Variants in UNC45B observed in about 807,000 individuals in gnomAD.
UNC45B encodes the protein unc-45 myosin chaperone B, also known as protein unc-45 homolog B.
UNC45B carries 78 observed loss-of-function variants against 98.7 expected under a neutral mutation model. The observed-to-expected ratio is 0.79, with a 90% CI of 0.66 to 0.95. The LOEUF (loss-of-function observed/expected upper bound fraction) is 0.95, where lower values mean the gene tolerates loss of function less well. Among genes scored for constraint, UNC45B ranks in the 40% least tolerant of loss-of-function variants. The pLI, the probability that UNC45B is intolerant of heterozygous loss-of-function variation, is 0.00. For synonymous variants in UNC45B, 462 were observed against 480.4 expected (o/e 0.96, Z 0.50); for missense variants, 1,225 against 1,184.9 (o/e 1.03, Z -0.50).
In UNC45B at chr17:35,180,611, G is replaced by A. The variant is rs774212002; in HGVS notation, c.2308G>A (p.Glu770Lys). 2 of 1,614,084 alleles carry A rather than the reference G, an allele frequency of 1.2e-6. No individual in the cohort carries two copies. The highest frequency in any genetic ancestry group is 1.7e-6 in the Non-Finnish European group (2 of 1,179,988). Residue 770 changes from glutamate (E) to lysine (K), a missense_variant, in exon 18 of 20, where the codon GAG becomes AAG. By Grantham distance (56) the Glu-to-Lys change is moderately conservative (BLOSUM62 1). Coordinates refer to ENST00000394570, the MANE Select transcript of UNC45B (RefSeq NM_001267052.2). ...ALPDIENYMF[E>K]NHDQLRQAAT... Reference sequence around the variant, plus strand: ...GCCAGACATCGAGAACTACATGTTTGAGAATCATGATCAGCTGCGGCAGGC... The same window carrying A: ...GCCAGACATCGAGAACTACATGTTTAAGAATCATGATCAGCTGCGGCAGGC...
chr17:35,175,409 T>A (rs2092225708), intron 14 of UNC45B, among the ~76,000 whole-genome samples: 1 of 152,014 alleles, frequency 6.6e-6, no homozygotes, highest in Non-Finnish European at 1.5e-5. Context: ...CCAGCCAGAC[T>A]GGAGGGGAGG....
Position 35,170,259 on chromosome 17 carries a change from G to C in UNC45B, c.1689+4G>C, listed in dbSNP as rs752735144. On this transcript the variant is annotated splice_donor_region_variant and intron_variant, in intron 12 of 19. Coordinates refer to ENST00000394570, the MANE Select transcript of UNC45B (RefSeq NM_001267052.2). ...GGCCATGTTTGAGCTGGCCAAGGCAGGTGTCGGGGAGTCTGGCCCGACCAC... is the reference window on the plus strand; with the variant it reads ...GGCCATGTTTGAGCTGGCCAAGGCACGTGTCGGGGAGTCTGGCCCGACCAC... The C allele has an allele frequency of 6.2e-7, 1 of 1,601,610 alleles. No homozygotes were observed. The highest frequency in any genetic ancestry group is 1.1e-5 in the South Asian group (1 of 90,210).
intron 13 of UNC45B, among the ~76,000 whole-genome samples, chr17:35,173,444 A>C (rs931056003): frequency 6.6e-6 from 1 of 151,892 alleles, no homozygotes; most frequent in African/African-American, 2.4e-5. Flanking sequence ...AAAATCTTAT[A>C]GTTCTGGAGG....
intron 13 of UNC45B, among the ~76,000 whole-genome samples, chr17:35,173,006 C>T (rs746180873): frequency 4.6e-5 from 7 of 152,218 alleles, no homozygotes; most frequent in South Asian, 2.1e-4. Flanking sequence ...GACAGCAAGG[C>T]GTGCTGTATA....
Position 35,168,132 on chromosome 17 carries a change from G to T in UNC45B, c.1223G>T (p.Gly408Val), listed in dbSNP as rs1421659329. Residue 408 changes from glycine (G) to valine (V), a missense_variant, in exon 10 of 20, where the codon GGC becomes GTC. Physicochemically the swap from Gly to Val is moderately radical, Grantham distance 109 (BLOSUM62 -3). Transcript: ENST00000394570. ...AIQTVSGILQ[G>V]PFDLGNQLLG... ...CAGACAGTGTCAGGGATCCTGCAGG[G>T]CCCCTTTGACCTGGGCAACCAGCTG... 15 of 1,594,702 alleles carry T rather than the reference G, an allele frequency of 9.4e-6. No individual in the cohort carries two copies. The highest frequency in any genetic ancestry group is 2.3e-5 in the East Asian group (1 of 43,128).
At chr17:35,155,197 T>A in intron 6 of UNC45B, 99 bp from the exon 7 acceptor site, 2 of 1,437,300 alleles carry the variant, frequency 1.4e-6, no homozygotes, top group Admixed American at 4.2e-5. Context: ...CTCTACTGCA[T>A]GGGATAGGGT....
chr17:35,186,241 T>C (rs2092302514), intron 19 of UNC45B, 58 bp from the exon 20 acceptor site: 1 of 1,589,862 alleles, frequency 6.3e-7, no homozygotes, highest in Non-Finnish European at 8.6e-7. Flanking sequence ...TTCCAACACA[T>C]GAACTCTGGG....
intron 13 of UNC45B, among the ~76,000 whole-genome samples, chr17:35,172,874 T>TTTATTTCA (rs1427741121): frequency 6.6e-6 from 1 of 152,204 alleles, no homozygotes; most frequent in Non-Finnish European, 1.5e-5. Context: ...TTATCCGTCT[T>TTTATTTCA]TTATTTCATT....
chr17:35,152,759 G>T lies in UNC45B; in HGVS notation c.382-134G>T, dbSNP rs549776753. 3 of 745,032 alleles carry T rather than the reference G, an allele frequency of 4.0e-6. No individual in the cohort carries two copies. The Admixed American group carries it at 5.4e-5, about 13-fold the overall frequency. The allele number at this position is 745,032 out of a possible 1,614,324, so 46.2% of individuals were successfully genotyped here. On this transcript the variant is annotated intron_variant, in intron 4 of 19. Transcript: ENST00000394570. ...CGTACTTATCCAGTAAATGTTTGTC[G>T]AATGAATACATGAATGAACGTATGT... is the stretch of plus-strand genomic sequence containing the variant.
rs767039868 is a variant in UNC45B, at chr17:35,180,542, C to T, written c.2256-17C>T. ...AGAAGACTCAAGGGTCTTTCTTCCT[C>T]CACCCTCCTACCCTAGGCAGAAGAT... On this transcript the variant is annotated splice_polypyrimidine_tract_variant and intron_variant, in intron 17 of 19. Coordinates refer to ENST00000394570, the MANE Select transcript of UNC45B (RefSeq NM_001267052.2). 1.9e-5 allele frequency: 31 copies of T among 1,605,280 alleles called. 2 individuals carry two copies. In the South Asian group the frequency reaches 3.3e-4, roughly 17 times the overall value.
chr17:35,177,824 CCTTTTCTTTT>C (rs886653781), intron 17 of UNC45B, among the ~76,000 whole-genome samples: 1 of 150,696 alleles, frequency 6.6e-6, no homozygotes, highest in African/African-American at 2.4e-5. Flanking sequence ...TTTTTTCTTT[CCTTTTCTTTT>C]CTTTTGTCTT....
At chr17:35,156,326 C>G (rs1212882825) in intron 7 of UNC45B, among the ~76,000 whole-genome samples, 2 of 152,170 alleles carry the variant, frequency 1.3e-5, no homozygotes, top group Non-Finnish European at 2.9e-5. Context: ...GAACTGAACA[C>G]TTAAAAATGG....
chr17:35,175,081 A>AAG (rs1188866238), intron 14 of UNC45B, among the ~76,000 whole-genome samples: 4 of 98,122 alleles, frequency 4.1e-5, no homozygotes, highest in Non-Finnish European at 6.4e-5. Context: ...GAAAGAAAGA[A>AAG]AGAAAGAGAA....
At chr17:35,174,559 C>T (rs1024557719) in intron 14 of UNC45B, among the ~76,000 whole-genome samples, 190 bp downstream of exon 14, 1 of 152,144 alleles carries the variant, frequency 6.6e-6, no homozygotes, top group Non-Finnish European at 1.5e-5. Context: ...GTGGCTCATG[C>T]CTGTAATCCC....
rs112989309 is a variant in UNC45B, at chr17:35,148,263, G to A, written c.1-1G>A. 1 of 1,614,078 alleles carries A rather than the reference G, an allele frequency of 6.2e-7. No homozygotes were observed. ...AGACAGAGCTTCTCCTGTCCCAGCA[G>A]ATGGCAGAGGTGGAAGCGGTACAGC... On this transcript the variant is annotated splice_acceptor_variant, in intron 1 of 19. Transcript: ENST00000394570. LOFTEE classifies it low-confidence loss of function (5UTR_SPLICE).
chr17:35,148,240 A>T, intron 1 of UNC45B, 24 bp from the exon 2 acceptor site: 1 of 1,613,608 alleles, frequency 6.2e-7, no homozygotes. Context: ...GGCTGACCAG[A>T]CAGAGCTTCT....
At chr17:35,153,429 T>C (rs2092035204) in intron 5 of UNC45B, among the ~76,000 whole-genome samples, 1 of 152,240 alleles carries the variant, frequency 6.6e-6, no homozygotes, top group East Asian at 1.9e-4. Flanking sequence ...AAAGAAGTCA[T>C]TCTGAAAAAT....
At chr17:35,174,952 A>G (rs574372899) in intron 14 of UNC45B, among the ~76,000 whole-genome samples, 1 of 39,100 alleles carries the variant, frequency 2.6e-5, no homozygotes, top group Admixed American at 2.4e-4. Flanking sequence ...AGAAAGAAAG[A>G]AAAAGAAAGA....
intron 13 of UNC45B, among the ~76,000 whole-genome samples, chr17:35,173,611 C>T (rs2092204898): frequency 6.6e-6 from 1 of 152,082 alleles, no homozygotes; most frequent in Non-Finnish European, 1.5e-5. Flanking sequence ...ACTCTGACCT[C>T]ACTTCCATTC....
Sources: gnomAD v4.1 joint callset for allele counts (sites outside exome capture counted in the v4.1 genomes callset) on GRCh38, gnomAD v4.1.1 for gene constraint, MANE v1.5 for transcripts, NCBI Gene and HGNC (gene_info 2026-07-23, HGNC 2026-07-21) for gene names.